TMEM117: variants seen among roughly 807,000 people sequenced by gnomAD.
TMEM117 encodes transmembrane protein 117.
In TMEM117, 27 loss-of-function variants were observed where a neutral mutation model predicts 52.4. The ratio of observed to expected loss-of-function variants is 0.51; its 90% confidence interval spans 0.38 to 0.71. TMEM117 has a LOEUF of 0.71. TMEM117 is among the 30% of genes least tolerant of loss of function. The probability of loss-of-function intolerance (pLI) is 0.00; values close to 1 mark genes in which losing one functional copy is unlikely to be tolerated. For missense variants in TMEM117, 556 were observed against 630.5 expected (o/e 0.88, Z 1.26); for synonymous variants, 215 against 206.3 (o/e 1.04, Z -0.36).
At chr12:43,963,847 A>T (rs1308796759) in intron 3 of TMEM117, among the ~76,000 whole-genome samples, 3 of 152,138 alleles carry the variant, frequency 2.0e-5, no homozygotes, top group Non-Finnish European at 4.4e-5. Context: ...AACTCCATGG[A>T]CCCACTTCCT....
At chr12:44,025,562 T>G (rs1946520551) in intron 3 of TMEM117, among the ~76,000 whole-genome samples, 1 of 152,198 alleles carries the variant, frequency 6.6e-6, no homozygotes, top group African/African-American at 2.4e-5. Context: ...TATTGATTGG[T>G]GTTGAAAGGA....
At chr12:43,813,992 A>G in the TMEM117 span, among the ~76,000 whole-genome samples, 1 of 152,136 alleles carries the variant, frequency 6.6e-6, no homozygotes, top group African/African-American at 2.4e-5. Context: ...ATTTTCAGGT[A>G]TATTCATACT....
At chr12:44,070,977 C>T (rs1359916608) in intron 3 of TMEM117, among the ~76,000 whole-genome samples, 2 of 152,154 alleles carry the variant, frequency 1.3e-5, no homozygotes, top group African/African-American at 4.8e-5. Context: ...TGGCCTGTGA[C>T]ACAGTGGAAA....
chr12:44,078,693 T>A (rs1947422871), intron 3 of TMEM117, among the ~76,000 whole-genome samples: 1 of 152,266 alleles, frequency 6.6e-6, no homozygotes, highest in Non-Finnish European at 1.5e-5. Context: ...TATTATTTTG[T>A]TTTTGTTTTG....
At chr12:44,171,421 A>G (rs2138284442) in intron 4 of TMEM117, among the ~76,000 whole-genome samples, 1 of 152,296 alleles carries the variant, frequency 6.6e-6, no homozygotes, top group Middle Eastern at 3.4e-3. Context: ...GGATCTTATC[A>G]GCAATAATTA....
intron 3 of TMEM117, among the ~76,000 whole-genome samples, chr12:44,102,002 GA>G (rs1342022835): frequency 2.0e-4 from 31 of 152,088 alleles, no homozygotes; most frequent in Admixed American, 5.9e-4. Flanking sequence ...CTTGTTTTTA[GA>G]TCACTTTGAG....
At chr12:44,060,715 T>C (rs1592482987) in intron 3 of TMEM117, among the ~76,000 whole-genome samples, 1 of 152,106 alleles carries the variant, frequency 6.6e-6, no homozygotes, top group Non-Finnish European at 1.5e-5. Context: ...CACAAAAGCA[T>C]GGGAGGAAGG....
At chr12:44,193,561 T>C (rs189279033) in intron 4 of TMEM117, among the ~76,000 whole-genome samples, 3 of 152,118 alleles carry the variant, frequency 2.0e-5, no homozygotes, top group Non-Finnish European at 4.4e-5. Flanking sequence ...GCAACTGATA[T>C]AAGGCCAGGA....
At chr12:43,958,277 C>G (rs887150870) in intron 3 of TMEM117, among the ~76,000 whole-genome samples, 1 of 152,170 alleles carries the variant, frequency 6.6e-6, no homozygotes, top group African/African-American at 2.4e-5. Flanking sequence ...ACATTTGACT[C>G]ACTGGTAAAA....
chr12:44,009,020 G>C, intron 3 of TMEM117: 1 of 372,836 alleles, frequency 2.7e-6, no homozygotes, highest in South Asian at 2.3e-5. Flanking sequence ...AATAAGATCA[G>C]AGCTAACTGA....
intron 6 of TMEM117, among the ~76,000 whole-genome samples, chr12:44,354,371 A>G (rs1951613288): frequency 6.6e-6 from 1 of 151,546 alleles, no homozygotes; most frequent in African/African-American, 2.4e-5. Context: ...ACAAAAAAAG[A>G]GAATTTTAGA....
At chr12:43,823,939 A>T in the TMEM117 span, among the ~76,000 whole-genome samples, 1 of 152,190 alleles carries the variant, frequency 6.6e-6, no homozygotes, top group Non-Finnish European at 1.5e-5. Flanking sequence ...CCAGCTTAAT[A>T]GTTTTAACAA....
the TMEM117 span, among the ~76,000 whole-genome samples, chr12:43,810,595 T>C: frequency 6.6e-6 from 1 of 152,170 alleles, no homozygotes; most frequent in Non-Finnish European, 1.5e-5. Flanking sequence ...TTTGTTTGTT[T>C]TGTTCAGATC....
intron 2 of TMEM117, among the ~76,000 whole-genome samples, chr12:43,941,010 A>AC (rs1490350057): frequency 2.6e-5 from 4 of 151,634 alleles, no homozygotes; most frequent in Non-Finnish European, 4.4e-5. Context: ...GTGCCCTCCC[A>AC]CCCTCTCCTT....
chr12:44,356,066 G>T (rs1426272324), intron 6 of TMEM117, among the ~76,000 whole-genome samples: 2 of 151,860 alleles, frequency 1.3e-5, no homozygotes, highest in Non-Finnish European at 2.9e-5. Flanking sequence ...GAGAGAACTG[G>T]GTTTATGTGC....
intron 6 of TMEM117, among the ~76,000 whole-genome samples, chr12:44,363,996 T>G (rs1396256172): frequency 6.6e-6 from 1 of 152,174 alleles, no homozygotes. Flanking sequence ...GATGCTGATT[T>G]GCCAGCTTCT....
intron 4 of TMEM117, among the ~76,000 whole-genome samples, chr12:44,152,663 A>T (rs1449804766): frequency 7.6e-6 from 1 of 131,550 alleles, no homozygotes; most frequent in South Asian, 2.2e-4. Flanking sequence ...TATTTATATC[A>T]TATATAATTT....
At chr12:43,806,083 G>T in the TMEM117 span, 10 of 1,518,058 alleles carry the variant, frequency 6.6e-6, no homozygotes, top group Middle Eastern at 6.7e-4. Context: ...GCGGAGAGGC[G>T]CCGAGGCCCG....
At chr12:44,251,735 G>A (rs1950199027) in intron 5 of TMEM117, among the ~76,000 whole-genome samples, 1 of 152,122 alleles carries the variant, frequency 6.6e-6, no homozygotes, top group African/African-American at 2.4e-5. Flanking sequence ...TACCCTGGGT[G>A]GTCAAAGAAA....
Sources: allele counts gnomAD v4.1 joint callset (sites outside exome capture counted in the v4.1 genomes callset), GRCh38; gene constraint gnomAD v4.1.1; transcripts MANE v1.5; gene names NCBI Gene and HGNC (gene_info 2026-07-23, HGNC 2026-07-21).